AJAP1: variants seen among roughly 807,000 people sequenced by gnomAD.
AJAP1 encodes the protein adherens junctions associated protein 1.
A neutral mutation model predicts 35.0 loss-of-function variants in AJAP1; 5 were observed. That is an observed-to-expected ratio of 0.14 (90% CI 0.07 to 0.30). The LOEUF (loss-of-function observed/expected upper bound fraction) is 0.30, where lower values mean the gene tolerates loss of function less well. AJAP1 is among the 10% of genes least tolerant of loss of function. AJAP1 has a pLI of 1.00. For synonymous variants in AJAP1, 284 were observed against 249.3 expected (o/e 1.14, Z -1.31); for missense variants, 586 against 571.0 (o/e 1.03, Z -0.27).
At chr1:4,710,422 T>C (rs1172157328) in intron 1 of AJAP1, among the ~76,000 whole-genome samples, 1 of 151,784 alleles carries the variant, frequency 6.6e-6, no homozygotes, top group Non-Finnish European at 1.5e-5. Flanking sequence ...CTCACACAGC[T>C]TGACCCACAC....
intron 2 of AJAP1, among the ~76,000 whole-genome samples, chr1:4,761,309 C>T (rs1174770772): frequency 6.6e-6 from 1 of 152,204 alleles, no homozygotes; most frequent in African/African-American, 2.4e-5. Flanking sequence ...GGCATGGGGT[C>T]TTTCTAGCAA....
chr1:4,782,716 C>A lies in AJAP1; in HGVS notation c.*231C>A. ...CCAAATCTATTTTTGTAAAAATGCTCATGCCTATGGGTGACTGCCTTCTCC... is the reference window on the plus strand; with the variant it reads ...CCAAATCTATTTTTGTAAAAATGCTAATGCCTATGGGTGACTGCCTTCTCC... On this transcript the variant is annotated 3_prime_UTR_variant, in exon 6 of 6. Transcript: ENST00000378191. This position sits in a 1 kb window ranked among gnomAD's most constrained non-coding sequence, Gnocchi z 5.3. The A allele has an allele frequency of 2.5e-6, 1 of 398,596 alleles. No homozygotes were observed. Among genetic ancestry groups the A allele is most frequent in the South Asian group, 1.3e-4 (1 of 7,836 alleles). The allele number at this position is 398,596 out of a possible 1,614,324, so 24.7% of individuals were successfully genotyped here.
At chr1:4,758,637 G>A (rs1332430691) in intron 2 of AJAP1, among the ~76,000 whole-genome samples, 2 of 152,208 alleles carry the variant, frequency 1.3e-5, no homozygotes, top group African/African-American at 4.8e-5. Flanking sequence ...CCCTTGACAA[G>A]TGGGGATTAT....
At chr1:4,684,634 G>A (rs1639565500) in intron 1 of AJAP1, among the ~76,000 whole-genome samples, 1 of 152,092 alleles carries the variant, frequency 6.6e-6, no homozygotes, top group Non-Finnish European at 1.5e-5. Flanking sequence ...GCAGGCACTC[G>A]CAGCTTCTCA....
At chr1:4,681,942 G>A (rs1177017712) in intron 1 of AJAP1, among the ~76,000 whole-genome samples, 1 of 152,208 alleles carries the variant, frequency 6.6e-6, no homozygotes, top group Non-Finnish European at 1.5e-5. Flanking sequence ...CTGAGTTCTG[G>A]TCAATCCTCA....
intron 1 of AJAP1, among the ~76,000 whole-genome samples, chr1:4,658,600 G>C (rs1638934503): frequency 6.6e-6 from 1 of 152,234 alleles, no homozygotes; most frequent in East Asian, 1.9e-4. Context: ...GGACAATCAT[G>C]CTTGACTAAA....
chr1:4,673,648 C>T (rs1639294485), intron 1 of AJAP1, among the ~76,000 whole-genome samples: 2 of 152,170 alleles, frequency 1.3e-5, no homozygotes, highest in South Asian at 4.1e-4. Flanking sequence ...TGCTTGTGTG[C>T]CGGGGCTGTG....
rs1639787088 is a variant in AJAP1, at chr1:4,693,346, T to G, written c.30-18554T>G. Among the ~76,000 whole-genome samples, 1 of 82,486 alleles carries G rather than the reference T, an allele frequency of 1.2e-5. No individual in the cohort carries two copies. Among genetic ancestry groups the G allele is most frequent in the African/African-American group, 4.8e-5 (1 of 20,746 alleles). The allele number at this position is 82,486 out of a possible 152,430, so 54.1% of individuals were successfully genotyped here. ...CTCGGCTTCGGAGGGAAGAACCCCA[T>G]GGGGGACTGGGAGTCATGGAGGGCT... On this transcript the variant is annotated intron_variant, in intron 1 of 5. Transcript: ENST00000378191. This position sits in a 1 kb window ranked among gnomAD's most constrained non-coding sequence, Gnocchi z 4.4.
intron 2 of AJAP1, among the ~76,000 whole-genome samples, chr1:4,717,891 T>G (rs1476126566): frequency 6.6e-6 from 1 of 152,234 alleles, no homozygotes; most frequent in Non-Finnish European, 1.5e-5. Context: ...CCATTTTAAT[T>G]AAGTTGCTGG....
At chr1:4,774,285 C>G in intron 4 of AJAP1, 142 bp from the exon 5 acceptor site, 1 of 704,784 alleles carries the variant, frequency 1.4e-6, no homozygotes, top group East Asian at 2.6e-5. Context: ...GGGGGGTGGT[C>G]CCTTCCTGGC....
chr1:4,682,850 G>GTGATGGTGA (rs1639514974), intron 1 of AJAP1, among the ~76,000 whole-genome samples: 1 of 152,098 alleles, frequency 6.6e-6, no homozygotes, highest in African/African-American at 2.4e-5. Flanking sequence ...GGTGATGATG[G>GTGATGGTGA]TGATGGTGGT....
At chr1:4,715,792 C>A (rs779848571) in intron 2 of AJAP1, among the ~76,000 whole-genome samples, 1 of 152,204 alleles carries the variant, frequency 6.6e-6, no homozygotes, top group Non-Finnish European at 1.5e-5. Flanking sequence ...CATACTTATT[C>A]GTTGTTTTTA....
intron 1 of AJAP1, among the ~76,000 whole-genome samples, chr1:4,668,711 C>T (rs1021667580): frequency 6.6e-6 from 1 of 152,144 alleles, no homozygotes; most frequent in Admixed American, 6.5e-5. Context: ...TCTCTGTTTC[C>T]GCAGGTTGTG....
chr1:4,736,915 G>A (rs1385046868), intron 2 of AJAP1, among the ~76,000 whole-genome samples: 2 of 152,088 alleles, frequency 1.3e-5, no homozygotes, highest in African/African-American at 4.8e-5. Flanking sequence ...GCTGACTACT[G>A]GGGGTGGATT....
chr1:4,722,708 G>T (rs779472072), intron 2 of AJAP1, among the ~76,000 whole-genome samples: 1 of 152,334 alleles, frequency 6.6e-6, no homozygotes, highest in South Asian at 2.1e-4. Context: ...GCTTGTGGCC[G>T]CATCACTCCA....
intron 2 of AJAP1, among the ~76,000 whole-genome samples, chr1:4,746,684 C>A (rs757896880): frequency 1.8e-4 from 27 of 152,358 alleles, no homozygotes; most frequent in Non-Finnish European, 3.5e-4. Flanking sequence ...TTAGTACAAA[C>A]AACTGCTATT....
chr1:4,660,408 A>G (rs1638976386), intron 1 of AJAP1, among the ~76,000 whole-genome samples: 2 of 151,932 alleles, frequency 1.3e-5, no homozygotes, highest in Admixed American at 1.3e-4. Flanking sequence ...TATCTTGACT[A>G]TATCCGTGTC....
chr1:4,698,538 G>A (rs375650377), intron 1 of AJAP1, among the ~76,000 whole-genome samples: 10 of 152,114 alleles, frequency 6.6e-5, no homozygotes, highest in Non-Finnish European at 1.0e-4. Flanking sequence ...CCCTCCCGCC[G>A]AAATCCAGTG....
chr1:4,704,745 A>G (rs950942150), intron 1 of AJAP1, among the ~76,000 whole-genome samples: 14 of 152,340 alleles, frequency 9.2e-5, no homozygotes, highest in African/African-American at 3.4e-4. Flanking sequence ...GACTTCCACG[A>G]TGGTTAAACT....
Sources: gnomAD v4.1 joint callset for allele counts (sites outside exome capture counted in the v4.1 genomes callset) on GRCh38, gnomAD v4.1.1 for gene constraint, Gnocchi (gnomAD v3.1) non-coding constraint, MANE v1.5 for transcripts, NCBI Gene and HGNC (gene_info 2026-07-23, HGNC 2026-07-21) for gene names.